The following GLS variants were observed in gnomAD, a reference collection of about 807,000 sequenced individuals.
GLS encodes glutaminase kidney isoform, mitochondrial.
In GLS, 36 loss-of-function variants were observed where a neutral mutation model predicts 86.7. The observed-to-expected ratio is 0.42, with a 90% confidence interval of 0.32 to 0.55. GLS has a LOEUF of 0.55. Ranked by LOEUF, GLS falls within the 20% of genes least tolerant of loss-of-function variation. The probability of loss-of-function intolerance (pLI) is 0.17; values close to 1 mark genes in which losing one functional copy is unlikely to be tolerated. For synonymous variants in GLS, 317 were observed against 305.9 expected, an observed-to-expected ratio of 1.04 and a Z score of -0.38; for missense variants, 528 against 833.4, an observed-to-expected ratio of 0.63 and a Z score of 4.51.
intron 1 of GLS, among the ~76,000 whole-genome samples, chr2:190,884,224 C>A (rs1365084794): frequency 6.6e-6 from 1 of 152,208 alleles, no homozygotes. Flanking sequence ...TGTCTGCCTT[C>A]TCAACAGCGT....
intron 17 of GLS, among the ~76,000 whole-genome samples, chr2:190,959,243 CTTTT>C (rs56693446): frequency 2.2e-5 from 3 of 135,656 alleles, no homozygotes; most frequent in African/African-American, 8.1e-5. Flanking sequence ...GCAACCCCTG[CTTTT>C]TTTTTTTTTT....
At chr2:190,945,062 C>T (rs1284010577) in intron 14 of GLS, among the ~76,000 whole-genome samples, 1 of 24,596 alleles carries the variant, frequency 4.1e-5, no homozygotes, top group African/African-American at 1.1e-4. Flanking sequence ...AATTGCTTGA[C>T]CCAGTAGATA....
Position 190,902,917 on chromosome 2 carries a change from C to G in GLS, c.815+891C>G, listed in dbSNP as rs560423774. 3.9e-5 allele frequency among the ~76,000 whole-genome samples: 6 copies of G among 152,244 alleles called. No homozygotes were observed. In the South Asian group the frequency reaches 1.2e-3, roughly 32 times the overall value. On this transcript the variant is annotated intron_variant, in intron 5 of 17. Transcript: ENST00000320717. ...AAGATGTACAACTTGTAAGTGAACACAGCTTGAAAAGTTTATATCAGAGTT... is the reference window on the plus strand; with the variant it reads ...AAGATGTACAACTTGTAAGTGAACAGAGCTTGAAAAGTTTATATCAGAGTT...
rs1688168806 is a variant in GLS, at chr2:190,881,395, G to T, written c.311G>T (p.Gly104Val). 2 of 1,541,706 alleles carry T rather than the reference G, an allele frequency of 1.3e-6. No homozygotes were observed. Among genetic ancestry groups the T allele is most frequent in the Non-Finnish European group, 1.7e-6 (2 of 1,143,598 alleles). The change falls in exon 1 of 18, where the codon GGC (glycine) becomes GTC (valine). Residue 104 changes from glycine to valine, a missense_variant. This residue lies in a region of GLS where 224 missense variants were observed against 187.9 expected (regional missense o/e 1.19). Transcript: ENST00000320717. Reference sequence around the variant, plus strand: ...CCACCCGCTGCCCCGGCGGCGCCCGGCCCCAAGGACGGCCCCGGGGAGACG... The same window carrying T: ...CCACCCGCTGCCCCGGCGGCGCCCGTCCCCAAGGACGGCCCCGGGGAGACG... ...VSPPAAPAAP[G>V]PKDGPGETDA...
In GLS at chr2:190,956,991, AAGG is replaced by A. The variant is rs1371859367; in HGVS notation, c.1853+2176_1853+2178del. On this transcript the variant is annotated intron_variant, in intron 17 of 17. Transcript: ENST00000320717. The surrounding 1 kb of genome is among the most constrained non-coding windows in gnomAD (Gnocchi z 4.2). ...CTTTGCTGAAGTTGCTTATCAGCTT[AAGG>A]AGATTTTGGGCCGAGATGATGGGGT... Among the ~76,000 whole-genome samples the A allele has an allele frequency of 2.6e-5, 4 of 152,204 alleles. No homozygotes were observed. Among genetic ancestry groups the A allele is most frequent in the East Asian group, 1.9e-4 (1 of 5,200 alleles).
At chr2:190,925,850 C>G (rs1689878136) in intron 11 of GLS, among the ~76,000 whole-genome samples, 1 of 152,094 alleles carries the variant, frequency 6.6e-6, no homozygotes, top group South Asian at 2.1e-4. Flanking sequence ...CCCTAGTTTC[C>G]TTATGTGTAG....
chr2:190,933,619 A>C, intron 14 of GLS: 1 of 944,754 alleles, frequency 1.1e-6, no homozygotes, highest in Non-Finnish European at 1.3e-6. Flanking sequence ...TATAATGGTT[A>C]GTTACTCAGA....
At chr2:190,910,468 A>ACTG in intron 7 of GLS, 147 bp downstream of exon 7, 1 of 502,100 alleles carries the variant, frequency 2.0e-6, no homozygotes, top group South Asian at 3.7e-5. Flanking sequence ...TAGTGTTAGG[A>ACTG]TCTTTATTTC....
chr2:190,894,313 T>C (rs1574565456), intron 1 of GLS, among the ~76,000 whole-genome samples: 1 of 152,016 alleles, frequency 6.6e-6, no homozygotes, highest in East Asian at 1.9e-4. Flanking sequence ...GTAAATGCTA[T>C]GTAAATAAGT....
rs200177200 is a variant in GLS, at chr2:190,895,681, A to G, written c.561A>G (p.Gln187=). Residue 187 remains glutamine (Q), a synonymous_variant, in exon 3 of 18, where the codon CAA becomes CAG. Transcript: ENST00000320717. The surrounding 1 kb of genome is among the most constrained non-coding windows in gnomAD (Gnocchi z 4.2). ...ECMDMLRLTL[Q]TTSDGVMLDK... ...TGGATATGTTAAGATTAACTCTTCA[A>G]ACAACATCAGATGGTGTCATGCTAG... 8 of 1,605,908 alleles carry G rather than the reference A, an allele frequency of 5.0e-6. No individual in the cohort carries two copies. Among genetic ancestry groups the G allele is most frequent in the East Asian group, 2.2e-5 (1 of 44,752 alleles).
Position 190,953,901 on chromosome 2 carries a change from G to A in GLS, c.1712+275G>A, listed in dbSNP as rs1347863193. On this transcript the variant is annotated intron_variant, in intron 15 of 17. Coordinates refer to ENST00000320717, the MANE Select transcript of GLS (RefSeq NM_014905.5). The surrounding 1 kb of genome is among the most constrained non-coding windows in gnomAD (Gnocchi z 4.0). ...TTAGTACCAGTGGCTTACTGGAATTGGACAGTGCCTTCTCACTCCCTGTCT... is the reference window on the plus strand; with the variant it reads ...TTAGTACCAGTGGCTTACTGGAATTAGACAGTGCCTTCTCACTCCCTGTCT... Among the ~76,000 whole-genome samples, 4 of 151,218 alleles carry A rather than the reference G, an allele frequency of 2.6e-5. No homozygotes were observed. Among genetic ancestry groups the A allele is most frequent in the African/African-American group, 9.7e-5 (4 of 41,026 alleles).
At chr2:190,881,497 G>A (rs780073821) in intron 1 of GLS, 27 bp downstream of exon 1, 3 of 1,532,648 alleles carry the variant, frequency 2.0e-6, no homozygotes, top group African/African-American at 1.4e-5. Context: ...GGCGCAGGAG[G>A]CCTCGTTCCT....
chr2:190,889,370 T>C (rs772871922), intron 1 of GLS, among the ~76,000 whole-genome samples: 1 of 152,226 alleles, frequency 6.6e-6, no homozygotes, highest in Non-Finnish European at 1.5e-5. Context: ...GTTGTTGTTA[T>C]TCATCTCTAC....
At position 190,965,095 on chromosome 2, in the gene GLS, GC is replaced by G. The variant is rs1335903641; in HGVS notation, c.*2110del. 1 of 152,306 alleles carries G rather than the reference GC, an allele frequency of 6.6e-6. No homozygotes were observed. The highest frequency in any genetic ancestry group is 1.5e-5 in the Non-Finnish European group (1 of 68,014). 9.4% of individuals were successfully genotyped at this position (152,306 alleles called of 1,614,324 possible). A position where few individuals can be genotyped will look rare whatever the true frequency, so the allele number is the denominator to read the frequency against. ...TGGTAATAATATATTTGATTTAAAT[GC>G]TGTTGACTGTGCTATTAACTGCTGC... On this transcript the variant is annotated 3_prime_UTR_variant, in exon 18 of 18. Coordinates refer to ENST00000320717, the MANE Select transcript of GLS (RefSeq NM_014905.5). This position sits in a 1 kb window ranked among gnomAD's most constrained non-coding sequence, Gnocchi z 5.0.
chr2:190,923,744 A>G (rs555406245), intron 9 of GLS, among the ~76,000 whole-genome samples, 173 bp from the exon 10 acceptor site: 12 of 152,248 alleles, frequency 7.9e-5, no homozygotes, highest in Non-Finnish European at 8.8e-5. Flanking sequence ...TACCACTTAA[A>G]TGACTTGTCC....
chr2:190,883,314 A>G (rs970900556), intron 1 of GLS, among the ~76,000 whole-genome samples: 2 of 152,116 alleles, frequency 1.3e-5, no homozygotes, highest in Non-Finnish European at 2.9e-5. Flanking sequence ...TTTTGCCTTT[A>G]TGTGACAAAC....
chr2:190,883,262 A>T (rs1388422454), intron 1 of GLS, among the ~76,000 whole-genome samples: 1 of 152,180 alleles, frequency 6.6e-6, no homozygotes, highest in East Asian at 1.9e-4. Flanking sequence ...TTCCTTAATG[A>T]TCTGGTTTCC....
chr2:190,910,998 A>G (rs1221601272), intron 7 of GLS, among the ~76,000 whole-genome samples: 2 of 149,660 alleles, frequency 1.3e-5, no homozygotes, highest in African/African-American at 4.9e-5. Context: ...TAAAATAAGT[A>G]TTTGAAAATG....
At chr2:190,891,807 C>T (rs1240781168) in intron 1 of GLS, among the ~76,000 whole-genome samples, 1 of 152,064 alleles carries the variant, frequency 6.6e-6, no homozygotes. Context: ...ATATAATAGC[C>T]TATAGGTAGA....
Sources: allele counts gnomAD v4.1 joint callset (sites outside exome capture counted in the v4.1 genomes callset), GRCh38; gene constraint gnomAD v4.1.1; regional missense constraint gnomAD v4.1.1; non-coding constraint Gnocchi (gnomAD v3.1); transcripts MANE v1.5; gene names NCBI Gene and HGNC (gene_info 2026-07-23, HGNC 2026-07-21).